Variants in UHRF1 observed in about 807,000 individuals in gnomAD.
The protein encoded by UHRF1 is E3 ubiquitin-protein ligase UHRF1.
Under a neutral mutation model 96.5 loss-of-function variants are expected in UHRF1, and 9 were observed. That is an observed-to-expected ratio of 0.09 (90% CI 0.06 to 0.16). The LOEUF is 0.16. Ranked by LOEUF, UHRF1 falls within the 10% of genes least tolerant of loss-of-function variation. UHRF1 has a pLI of 1.00. For missense variants in UHRF1, 626 were observed against 1,131.1 expected (o/e 0.55, Z 6.40); for synonymous variants, 455 against 469.9 (o/e 0.97, Z 0.41).
At chr19:4,916,963 C>T (rs1478238055) in intron 2 of UHRF1, among the ~76,000 whole-genome samples, 1 of 152,146 alleles carries the variant, frequency 6.6e-6, no homozygotes, top group Non-Finnish European at 1.5e-5. Flanking sequence ...ACCACTGCTC[C>T]CCAAACCCGG....
chr19:4,910,021 A>C, intron 1 of UHRF1: 1 of 172,910 alleles, frequency 5.8e-6, no homozygotes, highest in Non-Finnish European at 1.2e-5. Context: ...CATCTGGGCC[A>C]ATGGGGAGCG....
At chr19:4,936,420 G>A (rs1252186141) in intron 5 of UHRF1, among the ~76,000 whole-genome samples, 2 of 152,150 alleles carry the variant, frequency 1.3e-5, no homozygotes, top group East Asian at 1.9e-4. Context: ...GACAACACGC[G>A]AGGATGGGTG....
intron 2 of UHRF1, among the ~76,000 whole-genome samples, chr19:4,921,663 G>C (rs1046355436): frequency 5.3e-5 from 8 of 149,836 alleles, no homozygotes; most frequent in Non-Finnish European, 1.2e-4. Context: ...GGGCCGAGGC[G>C]GGAGGGTTGC....
intron 4 of UHRF1, 94 bp from the exon 5 acceptor site, chr19:4,932,647 T>C: frequency 7.2e-7 from 1 of 1,379,768 alleles, no homozygotes; most frequent in Non-Finnish European, 1.0e-6. Flanking sequence ...CTCTGCACAC[T>C]GTCGGGAGGG....
chr19:4,929,135 A>C, intron 2 of UHRF1, 87 bp from the exon 3 acceptor site: 6 of 1,489,348 alleles, frequency 4.0e-6, no homozygotes, highest in Non-Finnish European at 5.5e-6. Flanking sequence ...AAGGGCTGGG[A>C]CACAGTGTTT....
At chr19:4,937,701 T>C (rs140459108) in intron 5 of UHRF1, among the ~76,000 whole-genome samples, 46 of 152,276 alleles carry the variant, frequency 3.0e-4, no homozygotes, top group African/African-American at 1.1e-3. Context: ...TAAGAAACAG[T>C]GGTCTGCAAT....
chr19:4,952,541 G>A (rs1020696416), intron 13 of UHRF1, among the ~76,000 whole-genome samples: 3 of 151,002 alleles, frequency 2.0e-5, no homozygotes, highest in Non-Finnish European at 2.9e-5. Context: ...TCACAGGTGT[G>A]TACCACCATG....
At chr19:4,932,500 C>T (rs114148764) in intron 4 of UHRF1, among the ~76,000 whole-genome samples, 7 of 152,318 alleles carry the variant, frequency 4.6e-5, no homozygotes, top group Middle Eastern at 6.8e-3. Flanking sequence ...CAATCCTATT[C>T]GTGGGTACTG....
intron 10 of UHRF1, among the ~76,000 whole-genome samples, chr19:4,946,815 A>T (rs891645244): frequency 6.6e-6 from 1 of 151,932 alleles, no homozygotes; most frequent in Non-Finnish European, 1.5e-5. Flanking sequence ...GGCTTAAGCG[A>T]TCCTCCCGCT....
At chr19:4,932,152 A>C (rs1049075561) in intron 4 of UHRF1, among the ~76,000 whole-genome samples, 5 of 150,910 alleles carry the variant, frequency 3.3e-5, no homozygotes, top group Admixed American at 2.0e-4. Flanking sequence ...CCAACTTCCG[A>C]CCTCAGATGA....
Position 4,954,763 on chromosome 19 carries a change from G to A in UHRF1, c.2071G>A (p.Ala691Thr), listed in dbSNP as rs1487311856. Residue 691 changes from alanine (A) to threonine (T), a missense_variant, in exon 15 of 17, where the codon GCC becomes ACC. This residue lies in a region of UHRF1 where 84 missense variants were observed against 150.3 expected (regional missense o/e 0.56). Transcript: ENST00000650932. This position sits in a 1 kb window ranked among gnomAD's most constrained non-coding sequence, Gnocchi z 5.9. ...CCTCATCAGAGAGGACAAGAGCAAC[G>A]CCAAGCTGTGGAATGAGGTCCTGGC... ...SSLIREDKSN[A>T]KLWNEVLASL... 6 of 1,613,792 alleles carry A rather than the reference G, an allele frequency of 3.7e-6. No individual in the cohort carries two copies. Among genetic ancestry groups the A allele is most frequent in the East Asian group, 2.2e-5 (1 of 44,870 alleles).
chr19:4,960,027 A>G (rs940926892), intron 16 of UHRF1, among the ~76,000 whole-genome samples: 3 of 152,116 alleles, frequency 2.0e-5, no homozygotes, highest in African/African-American at 7.2e-5. Context: ...TAATTTTTGT[A>G]TTTTTAGTAG....
intron 2 of UHRF1, among the ~76,000 whole-genome samples, chr19:4,921,079 G>A (rs1467979927): frequency 1.3e-5 from 2 of 148,744 alleles, no homozygotes; most frequent in African/African-American, 2.5e-5. Flanking sequence ...AGTCAAGATC[G>A]TGCCACTGCA....
At chr19:4,914,629 A>C (rs1031059793) in intron 2 of UHRF1, among the ~76,000 whole-genome samples, 21 of 149,524 alleles carry the variant, frequency 1.4e-4, no homozygotes, top group African/African-American at 5.2e-4. Flanking sequence ...GCAACGGGAG[A>C]GGCATCTGCG....
intron 2 of UHRF1, among the ~76,000 whole-genome samples, chr19:4,917,782 T>C (rs2032572921): frequency 6.6e-6 from 1 of 151,126 alleles, no homozygotes; most frequent in African/African-American, 2.4e-5. Flanking sequence ...TTCAGCCTCC[T>C]GAGTAGCTGG....
intron 2 of UHRF1, among the ~76,000 whole-genome samples, chr19:4,917,333 T>C (rs949079655): frequency 1.3e-5 from 2 of 151,934 alleles, no homozygotes; most frequent in Non-Finnish European, 2.9e-5. Context: ...CACTTTTTTT[T>C]CTTTTCTTTT....
chr19:4,907,575 A>T (rs563851057), upstream of UHRF1, among the ~76,000 whole-genome samples: 83 of 147,344 alleles, frequency 5.6e-4, no homozygotes, highest in Middle Eastern at 4.1e-3. Context: ...CGGCCCACAC[A>T]TTTATCATCT....
intron 2 of UHRF1, among the ~76,000 whole-genome samples, chr19:4,922,300 C>T (rs1041970749): frequency 2.6e-5 from 4 of 152,012 alleles, no homozygotes; most frequent in Non-Finnish European, 5.9e-5. Flanking sequence ...GAGTCTTGCT[C>T]TGTTGCCCGG....
intron 5 of UHRF1, among the ~76,000 whole-genome samples, chr19:4,938,081 G>C (rs1013074720): frequency 2.0e-5 from 3 of 152,018 alleles, no homozygotes; most frequent in Non-Finnish European, 2.9e-5. Flanking sequence ...TTGAACCTGG[G>C]AGGTGGAGGT....
Sources: gnomAD v4.1 joint callset for allele counts (sites outside exome capture counted in the v4.1 genomes callset) on GRCh38, gnomAD v4.1.1 for gene constraint, gnomAD v4.1.1 regional missense constraint, Gnocchi (gnomAD v3.1) non-coding constraint, MANE v1.5 for transcripts, NCBI Gene and HGNC (gene_info 2026-07-23, HGNC 2026-07-21) for gene names.